The following CDH18 variants were observed in gnomAD, a reference collection of about 807,000 sequenced individuals.
CDH18 encodes cadherin 18, also known as cadherin-18.
In CDH18, 31 loss-of-function variants were observed where a neutral mutation model predicts 67.9. The observed-to-expected ratio is 0.46, with a 90% confidence interval of 0.34 to 0.62. The LOEUF (loss-of-function observed/expected upper bound fraction) is 0.62, where lower values mean the gene tolerates loss of function less well. Ranked by LOEUF, CDH18 falls within the 20% of genes least tolerant of loss-of-function variation. CDH18 has a pLI of 0.01. For synonymous variants in CDH18, 362 were observed against 347.2 expected (o/e 1.04, Z -0.48); for missense variants, 890 against 975.5 (o/e 0.91, Z 1.17).
At chr5:20,109,696 A>G (rs1380122243) in intron 2 of CDH18, among the ~76,000 whole-genome samples, 1 of 152,186 alleles carries the variant, frequency 6.6e-6, no homozygotes, top group Admixed American at 6.5e-5. Flanking sequence ...AGGAAACAGC[A>G]CAGTCATTTT....
intron 8 of CDH18, among the ~76,000 whole-genome samples, chr5:19,563,761 A>C (rs1368139682): frequency 3.3e-5 from 5 of 152,226 alleles, no homozygotes; most frequent in African/African-American, 4.8e-5. Context: ...AGGACTAAAA[A>C]TCAGGTGACT....
intron 1 of CDH18, chr5:20,304,604 C>A: frequency 6.2e-7 from 1 of 1,611,910 alleles, no homozygotes; most frequent in Admixed American, 1.7e-5. Flanking sequence ...CTTAATGAGC[C>A]CAAAACAGAG....
chr5:19,719,441 T>C (rs1765729703), intron 5 of CDH18, among the ~76,000 whole-genome samples: 1 of 152,030 alleles, frequency 6.6e-6, no homozygotes, highest in African/African-American at 2.4e-5. Flanking sequence ...ATTTATTTTA[T>C]ATTTGAAGCA....
intron 2 of CDH18, among the ~76,000 whole-genome samples, chr5:20,093,875 G>T (rs530941176): frequency 6.6e-6 from 1 of 152,238 alleles, no homozygotes; most frequent in Non-Finnish European, 1.5e-5. Context: ...AAAACTTGAA[G>T]TTCATAGCAT....
Position 19,669,768 on chromosome 5 carries a change from T to C in CDH18, c.643+51579A>G, listed in dbSNP as rs1758487296. On this transcript the variant is annotated intron_variant, in intron 5 of 12. Coordinates refer to ENST00000382275, the MANE Select transcript of CDH18 (RefSeq NM_004934.5). The stretch of plus-strand genomic sequence containing the variant: ...AAATACCCAGCAATGACTTTACTCA[T>C]GTATTCATTACTCAGTAACTATTTC... Among the ~76,000 whole-genome samples, 5 of 152,332 alleles carry C rather than the reference T, an allele frequency of 3.3e-5. No homozygotes were observed. In the South Asian group the frequency reaches 1.0e-3, roughly 32 times the overall value.
chr5:20,305,645 G>C (rs1164708442), intron 1 of CDH18: 19 of 442,912 alleles, frequency 4.3e-5, no homozygotes, highest in Admixed American at 3.6e-4. Flanking sequence ...CCATGTCCGG[G>C]GGGTGGGGGG....
chr5:19,592,830 C>G (rs1745387694), intron 6 of CDH18, among the ~76,000 whole-genome samples: 1 of 151,990 alleles, frequency 6.6e-6, no homozygotes, highest in African/African-American at 2.4e-5. Context: ...CCTCACTCAC[C>G]TTCCCTAGTC....
At chr5:19,786,737 T>C (rs1330326545) in intron 3 of CDH18, among the ~76,000 whole-genome samples, 2 of 152,182 alleles carry the variant, frequency 1.3e-5, no homozygotes, top group Non-Finnish European at 2.9e-5. Flanking sequence ...ACAGTATTAA[T>C]GTGCACCTAG....
At chr5:20,558,545 A>T (rs1038569161) in intron 1 of CDH18, among the ~76,000 whole-genome samples, 3 of 152,112 alleles carry the variant, frequency 2.0e-5, no homozygotes, top group Non-Finnish European at 4.4e-5. Flanking sequence ...GGGCCAGAGT[A>T]AAATGTCTGG....
chr5:20,013,359 T>C (rs1480597384), intron 2 of CDH18, among the ~76,000 whole-genome samples: 2 of 152,084 alleles, frequency 1.3e-5, no homozygotes, highest in African/African-American at 2.4e-5. Flanking sequence ...ACTCTTTCTG[T>C]ACTTTTAAGG....
chr5:20,379,965 C>T (rs1277528582), intron 1 of CDH18, among the ~76,000 whole-genome samples: 3 of 151,698 alleles, frequency 2.0e-5, no homozygotes, highest in Non-Finnish European at 2.9e-5. Flanking sequence ...AGTTGCAAAA[C>T]GTTCCAATAT....
intron 1 of CDH18, among the ~76,000 whole-genome samples, chr5:20,507,215 A>G (rs1754715093): frequency 6.6e-6 from 1 of 152,152 alleles, no homozygotes; most frequent in Non-Finnish European, 1.5e-5. Flanking sequence ...AGAAACCACA[A>G]CCAAATTGCA....
At chr5:20,491,762 C>G (rs965783499) in intron 1 of CDH18, among the ~76,000 whole-genome samples, 11 of 152,138 alleles carry the variant, frequency 7.2e-5, no homozygotes, top group African/African-American at 2.7e-4. Context: ...ATGTAAATAT[C>G]ATCCAAAAAC....
At chr5:19,507,767 A>G (rs1362055543) in intron 10 of CDH18, among the ~76,000 whole-genome samples, 1 of 152,100 alleles carries the variant, frequency 6.6e-6, no homozygotes, top group South Asian at 2.1e-4. Flanking sequence ...GGTTGGGAGG[A>G]GGGGCGAGGG....
At chr5:20,056,872 A>G (rs890235953) in intron 2 of CDH18, among the ~76,000 whole-genome samples, 1 of 150,634 alleles carries the variant, frequency 6.6e-6, no homozygotes, top group East Asian at 2.0e-4. Context: ...TTTTTAGTGG[A>G]GACGGGTTTT....
chr5:20,225,770 A>G (rs1297273048), intron 2 of CDH18, among the ~76,000 whole-genome samples: 1 of 152,162 alleles, frequency 6.6e-6, no homozygotes, highest in Admixed American at 6.6e-5. Flanking sequence ...AGAAGGTGAC[A>G]TGACCTGAAC....
At chr5:20,422,752 A>C (rs762316492) in intron 1 of CDH18, among the ~76,000 whole-genome samples, 29 of 151,198 alleles carry the variant, frequency 1.9e-4, no homozygotes, top group Non-Finnish European at 3.5e-4. Context: ...CTAAAAAGCA[A>C]CTTCCCAGAA....
intron 3 of CDH18, among the ~76,000 whole-genome samples, chr5:19,825,497 G>A (rs1780318069): frequency 6.6e-6 from 1 of 152,222 alleles, no homozygotes; most frequent in African/African-American, 2.4e-5. Flanking sequence ...CTGGACAGCA[G>A]ATTAGGGCTG....
intron 2 of CDH18, among the ~76,000 whole-genome samples, chr5:20,253,904 TAG>T (rs1305006361): frequency 6.6e-6 from 1 of 152,154 alleles, no homozygotes; most frequent in Non-Finnish European, 1.5e-5. Flanking sequence ...GAAGCTCAGC[TAG>T]ATACTACACA....
Sources: gnomAD v4.1 joint callset for allele counts (sites outside exome capture counted in the v4.1 genomes callset) on GRCh38, gnomAD v4.1.1 for gene constraint, MANE v1.5 for transcripts, NCBI Gene and HGNC (gene_info 2026-07-23, HGNC 2026-07-21) for gene names.